NCOA1: variants seen among roughly 807,000 people sequenced by gnomAD.
NCOA1 encodes Hin-2 protein.
Under a neutral mutation model 150.9 loss-of-function variants are expected in NCOA1, and 35 were observed. The observed-to-expected ratio is 0.23, with a 90% CI of 0.18 to 0.31. The LOEUF (loss-of-function observed/expected upper bound fraction) is 0.31. Among genes scored for constraint, NCOA1 ranks in the 10% least tolerant of loss-of-function variants. The probability of loss-of-function intolerance (pLI) is 1.00; values close to 1 mark genes in which losing one functional copy is unlikely to be tolerated. For missense variants in NCOA1, 1,491 were observed against 1,749.3 expected (o/e 0.85, Z 2.63); for synonymous variants, 590 against 630.0 (o/e 0.94, Z 0.95).
intron 1 of NCOA1, 105 bp from the exon 2 acceptor site, chr2:24,564,190 A>G (rs1006902178): frequency 2.0e-5 from 3 of 152,248 alleles, no homozygotes; most frequent in African/African-American, 7.2e-5. Flanking sequence ...TAACTAAAGC[A>G]TCTGTGTAAG....
In NCOA1 at chr2:24,622,188, T is replaced by A. The variant is rs959445371; in HGVS notation, c.-174-21778T>A. ...CCTAAATAAGAACTGTTGTTTTTTT[T>A]CCCTTCTGAGGAGAAGCATTTGTAG... On this transcript the variant is annotated intron_variant, in intron 3 of 22. Coordinates refer to ENST00000348332, the MANE Select transcript of NCOA1 (RefSeq NM_003743.5). Among the ~76,000 whole-genome samples, 22 of 152,322 alleles carry A rather than the reference T, an allele frequency of 1.4e-4. No homozygotes were observed. The East Asian group carries it at 3.7e-3, about 25-fold the overall frequency.
chr2:24,681,028 T>G (rs1487134580), intron 7 of NCOA1, among the ~76,000 whole-genome samples: 1 of 151,332 alleles, frequency 6.6e-6, no homozygotes, highest in Non-Finnish European at 1.5e-5. Flanking sequence ...AAAAAAATGA[T>G]TCTTCCAAAC....
chr2:24,720,528 C>T (rs575085799), intron 14 of NCOA1, among the ~76,000 whole-genome samples: 7 of 152,054 alleles, frequency 4.6e-5, no homozygotes, highest in Admixed American at 3.3e-4. Flanking sequence ...CTAATATGTT[C>T]GCAAAGGCCA....
intron 4 of NCOA1, among the ~76,000 whole-genome samples, chr2:24,653,857 A>G (rs1052895259): frequency 6.6e-6 from 1 of 152,192 alleles, no homozygotes; most frequent in African/African-American, 2.4e-5. Context: ...TTTCTTTTGA[A>G]TTGGGCAAAT....
chr2:24,768,606 A>C lies in NCOA1; in HGVS notation c.*215A>C. On this transcript the variant is annotated 3_prime_UTR_variant, in exon 23 of 23. Coordinates refer to ENST00000348332, the MANE Select transcript of NCOA1 (RefSeq NM_003743.5). Reference sequence around the variant, plus strand: ...TTCTTTCTTTGTAAAGGCCTTGGATATTGAAAAAATACCAAGGCAGAACAG... The same window carrying C: ...TTCTTTCTTTGTAAAGGCCTTGGATCTTGAAAAAATACCAAGGCAGAACAG... 1 of 341,540 alleles carries C rather than the reference A, an allele frequency of 2.9e-6. No individual in the cohort carries two copies. Among genetic ancestry groups the C allele is most frequent in the East Asian group, 4.5e-5 (1 of 22,018 alleles). The allele number at this position is 341,540 out of a possible 1,614,324, so 21.2% of individuals were successfully genotyped here.
chr2:24,543,287 C>T (rs971093653), intron 1 of NCOA1, among the ~76,000 whole-genome samples: 9 of 152,148 alleles, frequency 5.9e-5, no homozygotes, highest in Admixed American at 1.3e-4. Flanking sequence ...TAACAACCTG[C>T]TTTTATAACA....
At chr2:24,642,037 TGCGC>T (rs1553441349) in intron 3 of NCOA1, among the ~76,000 whole-genome samples, 2 of 138,450 alleles carry the variant, frequency 1.4e-5, no homozygotes, top group Admixed American at 7.4e-5. Context: ...TGTGTGTGTG[TGCGC>T]GCGTGCGTAT....
At chr2:24,715,583 A>G (rs984739444) in intron 14 of NCOA1, among the ~76,000 whole-genome samples, 3 of 152,240 alleles carry the variant, frequency 2.0e-5, no homozygotes, top group South Asian at 2.1e-4. Context: ...TAAAAAATCA[A>G]TTGTATTTCT....
chr2:24,765,328 C>T (rs1165581770), intron 22 of NCOA1, among the ~76,000 whole-genome samples: 1 of 146,892 alleles, frequency 6.8e-6, no homozygotes, highest in Non-Finnish European at 1.5e-5. Flanking sequence ...ACGGTGAAAC[C>T]GTGTTAAAAT....
intron 5 of NCOA1, among the ~76,000 whole-genome samples, chr2:24,659,539 G>A (rs1245793211): frequency 6.6e-6 from 1 of 152,058 alleles, no homozygotes; most frequent in African/African-American, 2.4e-5. Context: ...GATTAGTATT[G>A]CATTACATGA....
chr2:24,511,027 C>T (rs1393253023), intron 1 of NCOA1, among the ~76,000 whole-genome samples: 2 of 152,208 alleles, frequency 1.3e-5, no homozygotes, highest in Non-Finnish European at 2.9e-5. Context: ...CAGCCACAGG[C>T]ACCCACTAAT....
At chr2:24,515,727 A>G (rs1264527004) in intron 1 of NCOA1, among the ~76,000 whole-genome samples, 1 of 152,244 alleles carries the variant, frequency 6.6e-6, no homozygotes, top group African/African-American at 2.4e-5. Context: ...GTTAAAAAGT[A>G]GGAGGGAGAA....
intron 1 of NCOA1, chr2:24,554,339 A>AT (rs1207022843): frequency 6.6e-6 from 1 of 151,752 alleles, no homozygotes; most frequent in African/African-American, 2.4e-5. Flanking sequence ...AGTATCCCTG[A>AT]TTTTTTGTTT....
At position 24,762,652 on chromosome 2, in the gene NCOA1, AGCT is replaced by A; in HGVS notation, c.4066-34_4066-32del. ...AATTTGGTTTTCAGTTTAAACAACT[AGCT>A]TGTAATTTGATCTTGTATTTATCTT... is the stretch of plus-strand genomic sequence containing the variant. On this transcript the variant is annotated intron_variant, in intron 21 of 22. Coordinates refer to ENST00000348332, the MANE Select transcript of NCOA1 (RefSeq NM_003743.5). 3 of 1,581,848 alleles carry A rather than the reference AGCT, an allele frequency of 1.9e-6. No individual in the cohort carries two copies. In the South Asian group the frequency reaches 3.4e-5, roughly 18 times the overall value.
chr2:24,662,770 A>G (rs1354421663), intron 5 of NCOA1, among the ~76,000 whole-genome samples: 1 of 151,622 alleles, frequency 6.6e-6, no homozygotes, highest in African/African-American at 2.4e-5. Context: ...AATGACAGGA[A>G]GTTTGGGCCT....
intron 11 of NCOA1, among the ~76,000 whole-genome samples, chr2:24,699,189 CT>C (rs1183712237): frequency 6.6e-6 from 1 of 152,192 alleles, no homozygotes; most frequent in East Asian, 1.9e-4. Flanking sequence ...ACTGTTTCGA[CT>C]CATTGCCTGA....
intron 1 of NCOA1, among the ~76,000 whole-genome samples, chr2:24,526,523 AT>A (rs977548789): frequency 2.5e-4 from 38 of 152,060 alleles, no homozygotes; most frequent in African/African-American, 8.5e-4. Context: ...TTTAAAAAAA[AT>A]AGGCTATCAT....
At chr2:24,498,877 C>G (rs563284818) in intron 1 of NCOA1, among the ~76,000 whole-genome samples, 24 of 151,982 alleles carry the variant, frequency 1.6e-4, no homozygotes, top group African/African-American at 5.5e-4. Flanking sequence ...TGAAATGATT[C>G]CATATGTAAG....
chr2:24,669,833 G>C (rs1671602863), intron 6 of NCOA1, among the ~76,000 whole-genome samples: 1 of 152,096 alleles, frequency 6.6e-6, no homozygotes, highest in African/African-American at 2.4e-5. Context: ...CACTCACTAA[G>C]ATGGCTATAA....
Sources: allele counts gnomAD v4.1 joint callset (sites outside exome capture counted in the v4.1 genomes callset), GRCh38; gene constraint gnomAD v4.1.1; transcripts MANE v1.5; gene names NCBI Gene and HGNC (gene_info 2026-07-23, HGNC 2026-07-21).